The following EHMT1 variants were observed in gnomAD, a reference collection of about 807,000 sequenced individuals.
EHMT1 encodes the protein histone-lysine N-methyltransferase EHMT1.
In EHMT1, 15 loss-of-function variants were observed where a neutral mutation model predicts 147.2. The observed-to-expected ratio is 0.10, with a 90% CI of 0.07 to 0.16. EHMT1 has a LOEUF of 0.16. Among genes scored for constraint, EHMT1 ranks in the 10% least tolerant of loss-of-function variants. The pLI, the probability that EHMT1 is intolerant of heterozygous loss-of-function variation, is 1.00. For missense variants in EHMT1, 1,587 were observed against 1,772.4 expected, an observed-to-expected ratio of 0.90 and a Z score of 1.88; for synonymous variants, 795 against 709.6, an observed-to-expected ratio of 1.12 and a Z score of -1.91.
intron 12 of EHMT1, 126 bp from the exon 13 acceptor site, chr9:137,777,756 G>T (rs1951066206): frequency 8.0e-6 from 11 of 1,380,696 alleles, no homozygotes; most frequent in Non-Finnish European, 1.0e-5. Flanking sequence ...GTTAAATCCA[G>T]GGACTAAGCG....
chr9:137,678,540 G>C (rs575928340), intron 1 of EHMT1, among the ~76,000 whole-genome samples: 10 of 152,202 alleles, frequency 6.6e-5, no homozygotes, highest in African/African-American at 2.4e-4. Flanking sequence ...CTGTCTCGCC[G>C]CGTTGGGATA....
At chr9:137,768,739 C>T (rs974344594) in intron 10 of EHMT1, among the ~76,000 whole-genome samples, 22 of 151,016 alleles carry the variant, frequency 1.5e-4, no homozygotes, top group African/African-American at 4.6e-4. Flanking sequence ...TTAGTAGAGA[C>T]GGGGTTTCAC....
intron 23 of EHMT1, chr9:137,816,320 A>G (rs773289993): frequency 1.2e-4 from 66 of 539,578 alleles, no homozygotes; most frequent in Admixed American, 5.5e-4. Context: ...AGCTAAAAGC[A>G]GAGGAACGGA....
chr9:137,766,132 T>TA (rs1366688946), intron 10 of EHMT1, among the ~76,000 whole-genome samples: 2 of 152,134 alleles, frequency 1.3e-5, no homozygotes, highest in African/African-American at 4.8e-5. Context: ...GGCCCCTTTG[T>TA]AGTACTCTTG....
intron 4 of EHMT1, among the ~76,000 whole-genome samples, chr9:137,733,614 G>C (rs1188776775): frequency 1.3e-5 from 2 of 152,192 alleles, no homozygotes; most frequent in East Asian, 1.9e-4. Context: ...AACAGTGTGC[G>C]TGCAGCTTGT....
chr9:137,829,598 C>G (rs1956056652), intron 25 of EHMT1, among the ~76,000 whole-genome samples: 2 of 152,238 alleles, frequency 1.3e-5, no homozygotes. Flanking sequence ...CCTGGTTCGC[C>G]CCTCTGGAGT....
chr9:137,818,222 CAGAAGAGAGCTCTTACTGTTGACAAGAG>C, intron 25 of EHMT1, 84 bp downstream of exon 25: 1 of 1,417,034 alleles, frequency 7.1e-7, no homozygotes. Context: ...GGCTGGGATT[CAGAAGAGAGCTCTTACTGTTGACAAGAG>C]TGGGCTTGCT....
At chr9:137,830,030 C>T (rs1956083134) in intron 25 of EHMT1, among the ~76,000 whole-genome samples, 1 of 152,158 alleles carries the variant, frequency 6.6e-6, no homozygotes, top group Non-Finnish European at 1.5e-5. Flanking sequence ...GAGGAAGTAG[C>T]AGCAAAGAAA....
At chr9:137,791,695 C>T (rs1461727057) in intron 16 of EHMT1, among the ~76,000 whole-genome samples, 1 of 152,198 alleles carries the variant, frequency 6.6e-6, no homozygotes, top group Non-Finnish European at 1.5e-5. Flanking sequence ...TGCCACCCAA[C>T]AGCCTGTAGA....
Position 137,670,149 on chromosome 9 carries a change from C to T in EHMT1, c.22-40818C>T, listed in dbSNP as rs1201076186. ...TGCTGGGATTACAGGCGTGAGCCACCGCGCCTGGGCTGAAAAAAGCTTTTC... is the reference window on the plus strand; with the variant it reads ...TGCTGGGATTACAGGCGTGAGCCACTGCGCCTGGGCTGAAAAAAGCTTTTC... On this transcript the variant is annotated intron_variant, in intron 1 of 26. Transcript: ENST00000460843. Among the ~76,000 whole-genome samples the T allele has an allele frequency of 5.3e-5, 8 of 152,182 alleles. No homozygotes were observed. The South Asian group carries it at 1.7e-3, about 32-fold the overall frequency.
At chr9:137,789,879 G>A (rs536526929) in intron 15 of EHMT1, among the ~76,000 whole-genome samples, 1 of 152,336 alleles carries the variant, frequency 6.6e-6, no homozygotes, top group Admixed American at 6.5e-5. Context: ...ACAGGCGCCA[G>A]GCACCACGCC....
chr9:137,642,678 C>T (rs1384406809), intron 1 of EHMT1, among the ~76,000 whole-genome samples: 1 of 151,992 alleles, frequency 6.6e-6, no homozygotes, highest in Non-Finnish European at 1.5e-5. Flanking sequence ...TTCTTTTGCC[C>T]TTCTTGTACT....
intron 14 of EHMT1, among the ~76,000 whole-genome samples, chr9:137,780,569 TGTGTG>T (rs1243866175): frequency 3.2e-5 from 4 of 125,568 alleles, no homozygotes; most frequent in East Asian, 2.5e-4. Flanking sequence ...ATCACTGAGA[TGTGTG>T]GTGATGACGC....
In EHMT1 at chr9:137,814,314, T is replaced by A. The variant is rs2137752875; in HGVS notation, c.3181-117T>A. On this transcript the variant is annotated intron_variant, in intron 21 of 26. Transcript: ENST00000460843. ...AGAGGCCACACACTCACGTGGTGCCTTTGAGAAGCACTTACCAGAATCAGG... is the reference window on the plus strand; with the variant it reads ...AGAGGCCACACACTCACGTGGTGCCATTGAGAAGCACTTACCAGAATCAGG... 7 of 1,128,338 alleles carry A rather than the reference T, an allele frequency of 6.2e-6. No individual in the cohort carries two copies. The East Asian group carries it at 1.6e-4, about 27-fold the overall frequency. The allele number at this position is 1,128,338 out of a possible 1,614,324, so 69.9% of individuals were successfully genotyped here.
At chr9:137,781,283 G>GCTGAGATGTGTGGTGATGACGGCATCA (rs1564749169) in intron 14 of EHMT1, among the ~76,000 whole-genome samples, 8 of 132,596 alleles carry the variant, frequency 6.0e-5, no homozygotes. Flanking sequence ...TGGTGATGAC[G>GCTGAGATGTGTGGTGATGACGGCATCA]CTGAGATGTG....
chr9:137,711,056 A>G lies in EHMT1; in HGVS notation c.85+26A>G, dbSNP rs781570732. On this transcript the variant is annotated intron_variant, in intron 2 of 26. Transcript: ENST00000460843. ...GTGAGGGCGGTGTGCACCGAGGGAC[A>G]GGAGCAGCGCCTCCCTCCAGACTAG... 1.4e-5 allele frequency: 22 copies of G among 1,573,190 alleles called. No homozygotes were observed. The African/African-American group carries it at 2.8e-4, about 20-fold the overall frequency.
At chr9:137,634,954 TC>T (rs1269747188) in intron 1 of EHMT1, among the ~76,000 whole-genome samples, 1 of 146,544 alleles carries the variant, frequency 6.8e-6, no homozygotes, top group Non-Finnish European at 1.5e-5. Context: ...TCTCCTGACC[TC>T]GTGATCCGCC....
At chr9:137,668,223 C>T (rs1692346103) in intron 1 of EHMT1, among the ~76,000 whole-genome samples, 1 of 152,122 alleles carries the variant, frequency 6.6e-6, no homozygotes, top group South Asian at 2.1e-4. Context: ...TCTAACTGAC[C>T]TGGGACTTGC....
chr9:137,653,524 CTCTT>C (rs1484708777), intron 1 of EHMT1, among the ~76,000 whole-genome samples: 4 of 151,982 alleles, frequency 2.6e-5, no homozygotes, highest in South Asian at 2.1e-4. Context: ...GCTTGATTTT[CTCTT>C]TCTTTTTTTT....
Sources: gnomAD v4.1 joint callset for allele counts (sites outside exome capture counted in the v4.1 genomes callset) on GRCh38, gnomAD v4.1.1 for gene constraint, MANE v1.5 for transcripts, NCBI Gene and HGNC (gene_info 2026-07-23, HGNC 2026-07-21) for gene names.